Variants in IFT88 observed in about 807,000 individuals in gnomAD.
IFT88 encodes the protein intraflagellar transport protein 88 homolog.
Under a neutral mutation model 119.5 loss-of-function variants are expected in IFT88, and 74 were observed. That is an observed-to-expected ratio of 0.62 (90% CI 0.51 to 0.75). The LOEUF (loss-of-function observed/expected upper bound fraction) is 0.75. Ranked by LOEUF, IFT88 falls within the 30% of genes least tolerant of loss-of-function variation. The probability of loss-of-function intolerance (pLI) is 0.00; values close to 1 mark genes in which losing one functional copy is unlikely to be tolerated. For missense variants in IFT88, 961 were observed against 977.7 expected, an observed-to-expected ratio of 0.98 and a Z score of 0.23; for synonymous variants, 279 against 316.7, an observed-to-expected ratio of 0.88 and a Z score of 1.26.
At chr13:20,597,541 G>A (rs932264528) in intron 9 of IFT88, among the ~76,000 whole-genome samples, 12 of 152,018 alleles carry the variant, frequency 7.9e-5, no homozygotes, top group Middle Eastern at 3.4e-3. Flanking sequence ...TCAGGAAATC[G>A]AGACCATCCT....
intron 24 of IFT88, among the ~76,000 whole-genome samples, chr13:20,678,894 C>A (rs2057006740): frequency 6.6e-6 from 1 of 152,196 alleles, no homozygotes; most frequent in Admixed American, 6.5e-5. Flanking sequence ...ATTAAAAGCA[C>A]AATCATCATT....
chr13:20,641,482 T>C (rs2049953980), intron 18 of IFT88, 84 bp downstream of exon 18: 1 of 760,346 alleles, frequency 1.3e-6, no homozygotes, highest in Non-Finnish European at 2.2e-6. Context: ...GTTTAACTAA[T>C]GAAGTAATTG....
At chr13:20,627,394 C>G (rs894028573) in intron 15 of IFT88, among the ~76,000 whole-genome samples, 2 of 152,112 alleles carry the variant, frequency 1.3e-5, no homozygotes, top group African/African-American at 2.4e-5. Flanking sequence ...ACCATGTCTG[C>G]TAGTTTTCCT....
intron 24 of IFT88, among the ~76,000 whole-genome samples, chr13:20,681,207 A>G (rs1291339560): frequency 1.3e-5 from 2 of 152,232 alleles, no homozygotes; most frequent in African/African-American, 4.8e-5. Context: ...TTTTAACAGA[A>G]GCTGGAATGC....
At chr13:20,599,240 C>A (rs1015653898) in intron 10 of IFT88, among the ~76,000 whole-genome samples, 1 of 152,012 alleles carries the variant, frequency 6.6e-6, no homozygotes, top group Non-Finnish European at 1.5e-5. Flanking sequence ...CAGTTGTTTT[C>A]TAGCCATAGT....
chr13:20,685,737 G>A (rs888853746), intron 24 of IFT88, among the ~76,000 whole-genome samples: 1 of 152,118 alleles, frequency 6.6e-6, no homozygotes, highest in African/African-American at 2.4e-5. Context: ...GAAATTAACC[G>A]GGCATGGTGG....
At chr13:20,666,078 A>G (rs771664912) in intron 23 of IFT88, among the ~76,000 whole-genome samples, 2 of 152,206 alleles carry the variant, frequency 1.3e-5, no homozygotes, top group Non-Finnish European at 1.5e-5. Context: ...TCCTTGTTCC[A>G]TAGAACCGAA....
chr13:20,605,138 A>AG, intron 13 of IFT88, 33 bp downstream of exon 13: 5 of 848,528 alleles, frequency 5.9e-6, no homozygotes, highest in Non-Finnish European at 7.4e-6. Context: ...GTAGTTATTA[A>AG]TTACATTATT....
At chr13:20,646,506 C>T (rs1212541329) in intron 20 of IFT88, among the ~76,000 whole-genome samples, 4 of 151,606 alleles carry the variant, frequency 2.6e-5, no homozygotes, top group South Asian at 2.1e-4. Flanking sequence ...TTAGTAGAAA[C>T]GGAGTTTCAC....
intron 2 of IFT88, among the ~76,000 whole-genome samples, chr13:20,582,062 G>A (rs1201811163): frequency 6.6e-6 from 1 of 151,336 alleles, no homozygotes; most frequent in Non-Finnish European, 1.5e-5. Flanking sequence ...GTATTTTTGT[G>A]GGAAGTAGAT....
intron 23 of IFT88, among the ~76,000 whole-genome samples, chr13:20,667,147 T>C (rs1201763716): frequency 6.6e-6 from 1 of 152,206 alleles, no homozygotes. Context: ...GTTTAAATGC[T>C]TCCTCTCTTA....
chr13:20,591,011 G>T lies in IFT88; in HGVS notation c.255G>T (p.Gly85=). Residue 85 remains glycine (G), a synonymous_variant, in exon 5 of 26, where the codon GGG becomes GGT. Transcript: ENST00000351808. ...CATCAATAGGAAGACCAATGACAGGGGCTATTCAGGTATCTCTATTGGATG... is the reference window on the plus strand; with the variant it reads ...CATCAATAGGAAGACCAATGACAGGTGCTATTCAGGTATCTCTATTGGATG... ...LASSIGRPMT[G]AIQDGVTRPM... is the part of the protein sequence containing the mutation. 6.2e-7 allele frequency: 1 copy of T among 1,608,096 alleles called. No homozygotes were observed. The highest frequency in any genetic ancestry group is 2.2e-5 in the East Asian group (1 of 44,624).
intron 23 of IFT88, among the ~76,000 whole-genome samples, chr13:20,670,658 A>G (rs984320461): frequency 1.3e-5 from 2 of 150,746 alleles, no homozygotes; most frequent in African/African-American, 2.4e-5. Context: ...ACTAAAGATC[A>G]TGTTTAAGCC....
chr13:20,681,925 T>G lies in IFT88; in HGVS notation c.2243-8780T>G, dbSNP rs138265083. On this transcript the variant is annotated intron_variant, in intron 24 of 25. Transcript: ENST00000351808. Reference sequence around the variant, plus strand: ...TACTAGACCCATCTGTAAAAACATTTTCAGCACCTACAGCTGGTTTAGATT... The same window carrying G: ...TACTAGACCCATCTGTAAAAACATTGTCAGCACCTACAGCTGGTTTAGATT... Among the ~76,000 whole-genome samples the G allele has an allele frequency of 3.1e-3, 477 of 152,380 alleles. 3 individuals are homozygous for G. The highest frequency in any genetic ancestry group is 0.024 in the Middle Eastern group (7 of 294).
At chr13:20,669,025 G>A (rs1050367482) in intron 23 of IFT88, among the ~76,000 whole-genome samples, 1 of 152,272 alleles carries the variant, frequency 6.6e-6, no homozygotes, top group Middle Eastern at 3.4e-3. Context: ...CCAGCACAGT[G>A]TCCTGGGAGT....
chr13:20,684,934 C>A (rs2057736457), intron 24 of IFT88, among the ~76,000 whole-genome samples: 1 of 152,222 alleles, frequency 6.6e-6, no homozygotes, highest in Admixed American at 6.5e-5. Context: ...GTCGTGGAGA[C>A]CCTAACCCAG....
chr13:20,634,499 G>A (rs1336153336), intron 16 of IFT88, among the ~76,000 whole-genome samples: 2 of 152,170 alleles, frequency 1.3e-5, no homozygotes, highest in East Asian at 3.9e-4. Context: ...GAGGCCAGGA[G>A]TTCAAGCCTA....
intron 24 of IFT88, among the ~76,000 whole-genome samples, chr13:20,684,923 G>A (rs112865121): frequency 0.031 from 4,741 of 152,298 alleles, 246 homozygotes; most frequent in African/African-American, 0.11. Context: ...AGACCAGCTC[G>A]GTCGTGGAGA....
intron 15 of IFT88, among the ~76,000 whole-genome samples, chr13:20,628,997 C>CT (rs201703097): frequency 7.9e-5 from 12 of 151,930 alleles, no homozygotes; most frequent in Non-Finnish European, 1.2e-4. Flanking sequence ...TATAACACTC[C>CT]TTTTTTTAAA....
Sources: allele counts gnomAD v4.1 joint callset (sites outside exome capture counted in the v4.1 genomes callset), GRCh38; gene constraint gnomAD v4.1.1; transcripts MANE v1.5; gene names NCBI Gene and HGNC (gene_info 2026-07-23, HGNC 2026-07-21).